Variants in OTUD6B observed in about 807,000 individuals in gnomAD.
The protein encoded by OTUD6B is deubiquitinase OTUD6B.
In OTUD6B, 41 loss-of-function variants were observed where a neutral mutation model predicts 36.9. The observed-to-expected ratio is 1.11, with a 90% CI of 0.87 to 1.44. OTUD6B has a LOEUF of 1.44. Ranked by LOEUF, OTUD6B falls within the 40% of genes most tolerant of loss-of-function variation. The probability of loss-of-function intolerance (pLI) is 0.00; values close to 1 mark genes in which losing one functional copy is unlikely to be tolerated. For synonymous variants in OTUD6B, 114 were observed against 114.2 expected (o/e 1.00, Z 0.01); for missense variants, 356 against 344.8 (o/e 1.03, Z -0.26).
chr8:91,081,012 G>A (rs1446590972), intron 5 of OTUD6B, among the ~76,000 whole-genome samples: 1 of 152,106 alleles, frequency 6.6e-6, no homozygotes, highest in South Asian at 2.1e-4. Flanking sequence ...CATCGTGATA[G>A]TAGTATTGGC....
chr8:91,076,474 T>G (rs1812804746), intron 3 of OTUD6B: 1 of 1,482,446 alleles, frequency 6.7e-7, no homozygotes, highest in African/African-American at 1.4e-5. Context: ...TGATTAGAAT[T>G]AGTATTTTAG....
chr8:91,079,658 T>C (rs1465226720), intron 4 of OTUD6B, among the ~76,000 whole-genome samples: 1 of 152,126 alleles, frequency 6.6e-6, no homozygotes, highest in Admixed American at 6.5e-5. Flanking sequence ...AACACATTTT[T>C]CCATATATTT....
At chr8:91,070,575 ACTT>A (rs1812668593) in intron 1 of OTUD6B, 109 bp downstream of exon 1, 1 of 1,044,366 alleles carries the variant, frequency 9.6e-7, no homozygotes, top group Admixed American at 2.3e-5. Flanking sequence ...ATCACCCTAG[ACTT>A]CCCCTAGTAG....
chr8:91,076,870 T>C (rs1280289998), intron 3 of OTUD6B: 4 of 636,046 alleles, frequency 6.3e-6, no homozygotes, highest in African/African-American at 1.8e-5. Context: ...CTATTACTTA[T>C]ACAAACCTTA....
intron 1 of OTUD6B, among the ~76,000 whole-genome samples, chr8:91,070,670 G>GGAA (rs1812671866): frequency 2.6e-5 from 4 of 151,950 alleles, no homozygotes; most frequent in Non-Finnish European, 4.4e-5. Context: ...TGAGGCCTGC[G>GGAA]GCGTGCCCCC....
At chr8:91,082,787 T>C (rs917829239) in intron 5 of OTUD6B, among the ~76,000 whole-genome samples, 2 of 147,338 alleles carry the variant, frequency 1.4e-5, no homozygotes, top group East Asian at 2.1e-4. Flanking sequence ...GGTCTCACTC[T>C]GTCACCCCAG....
intron 3 of OTUD6B, among the ~76,000 whole-genome samples, chr8:91,077,068 C>T (rs186198709): frequency 4.6e-5 from 7 of 152,012 alleles, no homozygotes; most frequent in Non-Finnish European, 8.8e-5. Context: ...TTATGGAAGT[C>T]TTTACCTTTT....
rs760864226 is a variant in OTUD6B, at chr8:91,073,869, T to C, written c.273T>C (p.Leu91=). ...SVAVNISNLV[L]ENQPPRISKA... ...CTGTTAACATTTCAAACTTGGTGCT[T>C]GAGAATCAGCCACCTCGGATATCAA... is the stretch of plus-strand genomic sequence containing the variant. The change falls in exon 3 of 7, where the codon CTT becomes CTC. Residue 91 remains leucine (L), a synonymous_variant. Transcript: ENST00000404789. The C allele has an allele frequency of 1.9e-6, 3 of 1,594,348 alleles. No homozygotes were observed. Among genetic ancestry groups the C allele is most frequent in the Non-Finnish European group, 2.6e-6 (3 of 1,168,966 alleles).
rs1812694294 is a variant in OTUD6B at position 91,071,343 on chromosome 8, C to A, written c.234+54C>A. 1.7e-5 allele frequency: 23 copies of A among 1,338,782 alleles called. 1 individual carries two copies. In the South Asian group the frequency reaches 1.7e-4, roughly 10 times the overall value. The allele number at this position is 1,338,782 out of a possible 1,614,324, so 82.9% of individuals were successfully genotyped here. Reference sequence around the variant, plus strand: ...TACACCATTTGAAAACAGCTGTCCACTTCTGTTAAATGTTAAACTGCTTTT... The same window carrying A: ...TACACCATTTGAAAACAGCTGTCCAATTCTGTTAAATGTTAAACTGCTTTT... On this transcript the variant is annotated intron_variant, in intron 2 of 6. Transcript: ENST00000404789.
intron 5 of OTUD6B, among the ~76,000 whole-genome samples, chr8:91,081,313 C>G (rs1812902982): frequency 6.6e-6 from 1 of 151,522 alleles, no homozygotes; most frequent in South Asian, 2.1e-4. Context: ...AGGAAGTTAT[C>G]AAGATTACTT....
At chr8:91,078,189 A>G (rs1812835785) in intron 3 of OTUD6B, 167 bp from the exon 4 acceptor site, 6 of 886,202 alleles carry the variant, frequency 6.8e-6, no homozygotes, top group African/African-American at 1.8e-5. Flanking sequence ...GAGAGTAAGG[A>G]GCTCACCTTG....
rs138179382 is a variant in OTUD6B, at chr8:91,084,066, C to A, written c.749C>A (p.Pro250His). ...TPIEIIQADS[P>H]PIIVGEEYSK... ...ATAGAGATAATACAGGCAGATTCTC[C>A]TCCCATTATAGTTGGTGAAGAATAT... The change falls in exon 6 of 7, where the codon CCT becomes CAT. Residue 250 changes from proline (P) to histidine (H), a missense_variant. Coordinates refer to ENST00000404789, the MANE Select transcript of OTUD6B (RefSeq NM_016023.5). The A allele has an allele frequency of 7.6e-6, 12 of 1,578,136 alleles. No individual in the cohort carries two copies. Among genetic ancestry groups the A allele is most frequent in the Middle Eastern group, 1.7e-4 (1 of 5,998 alleles).
At position 91,085,022 on chromosome 8, in the gene OTUD6B, A is replaced by C. The variant is rs1456275397; in HGVS notation, c.*154A>C. 2.5e-6 allele frequency: 1 copy of C among 399,420 alleles called. No individual in the cohort carries two copies. The highest frequency in any genetic ancestry group is 2.1e-5 in the African/African-American group (1 of 47,494). The allele number at this position is 399,420 out of a possible 1,614,324, so 24.7% of individuals were successfully genotyped here. A position where few individuals can be genotyped will look rare whatever the true frequency, so the allele number is the denominator to read the frequency against. On this transcript the variant is annotated 3_prime_UTR_variant, in exon 7 of 7. Coordinates refer to ENST00000404789, the MANE Select transcript of OTUD6B (RefSeq NM_016023.5). Reference sequence around the variant, plus strand: ...TAACAGGTGTTTTTAGAAATATGTCAGAGATAAACTTTAACCAGTGTCTTC... The same window carrying C: ...TAACAGGTGTTTTTAGAAATATGTCCGAGATAAACTTTAACCAGTGTCTTC...
intron 3 of OTUD6B, among the ~76,000 whole-genome samples, chr8:91,074,298 G>T (rs943272363): frequency 6.6e-6 from 1 of 152,016 alleles, no homozygotes; most frequent in Admixed American, 6.6e-5. Context: ...CAGAATGTGG[G>T]CCCAGGGGAT....
chr8:91,074,486 T>C (rs1812766515), intron 3 of OTUD6B, among the ~76,000 whole-genome samples: 1 of 152,172 alleles, frequency 6.6e-6, no homozygotes, highest in South Asian at 2.1e-4. Context: ...TGGGTTGGAA[T>C]TTGAAAGAAA....
intron 1 of OTUD6B, among the ~76,000 whole-genome samples, 198 bp downstream of exon 1, chr8:91,070,664 G>A (rs1243486335): frequency 1.3e-5 from 2 of 151,892 alleles, no homozygotes; most frequent in Admixed American, 1.3e-4. Flanking sequence ...CCCTTCTGAG[G>A]CCTGCGGCGT....
chr8:91,081,767 G>C (rs1040393567), intron 5 of OTUD6B, among the ~76,000 whole-genome samples: 1 of 152,132 alleles, frequency 6.6e-6, no homozygotes, highest in Non-Finnish European at 1.5e-5. Context: ...GATGCAACAT[G>C]AATGTTGCCC....
chr8:91,073,051 T>C (rs1812728792), intron 2 of OTUD6B, among the ~76,000 whole-genome samples: 1 of 152,336 alleles, frequency 6.6e-6, no homozygotes, highest in South Asian at 2.1e-4. Context: ...AATTTCACTA[T>C]AGTTGATAGC....
intron 2 of OTUD6B, among the ~76,000 whole-genome samples, chr8:91,073,089 G>A (rs1304585365): frequency 1.3e-5 from 2 of 152,008 alleles, no homozygotes; most frequent in Non-Finnish European, 2.9e-5. Context: ...ATCTGATTTT[G>A]ATATTTTGAT....
Sources: gnomAD v4.1 joint callset for allele counts (sites outside exome capture counted in the v4.1 genomes callset) on GRCh38, gnomAD v4.1.1 for gene constraint, MANE v1.5 for transcripts, NCBI Gene and HGNC (gene_info 2026-07-23, HGNC 2026-07-21) for gene names.